PCSK5: variants seen among roughly 807,000 people sequenced by gnomAD.
PCSK5 encodes the protein proprotein convertase subtilisin/kexin type 5, also known as prohormone convertase 5.
A neutral mutation model predicts 233.2 loss-of-function variants in PCSK5; 129 were observed. The ratio of observed to expected loss-of-function variants is 0.55; its 90% CI spans 0.48 to 0.64. PCSK5 has a LOEUF of 0.64. Ranked by LOEUF, PCSK5 falls within the 30% of genes least tolerant of loss-of-function variation. The pLI, the probability that PCSK5 is intolerant of heterozygous loss-of-function variation, is 0.00. For synonymous variants in PCSK5, 825 were observed against 879.2 expected (o/e 0.94, Z 1.09); for missense variants, 2,076 against 2,430.1 (o/e 0.85, Z 3.06).
In PCSK5 at chr9:76,059,563, G is replaced by A. The variant is rs752056043; in HGVS notation, c.633-8392G>A. Among the ~76,000 whole-genome samples the A allele has an allele frequency of 3.3e-5, 5 of 152,218 alleles. No homozygotes were observed. The South Asian group carries it at 1.0e-3, about 32-fold the overall frequency. ...ATGTTAAGGAAGGGATCCAGTTTCA[G>A]CTTTCTACATATGGCTGGCCAGTTT... On this transcript the variant is annotated intron_variant, in intron 5 of 37. Transcript: ENST00000674117.
At chr9:76,142,340 A>G (rs1210247756) in intron 10 of PCSK5, among the ~76,000 whole-genome samples, 1 of 152,050 alleles carries the variant, frequency 6.6e-6, no homozygotes, top group African/African-American at 2.4e-5. Context: ...TGGACAAATT[A>G]TAATTTTAAA....
chr9:76,055,704 C>G (rs1219091699), intron 5 of PCSK5, among the ~76,000 whole-genome samples: 1 of 152,104 alleles, frequency 6.6e-6, no homozygotes, highest in East Asian at 1.9e-4. Flanking sequence ...GGCAATTATT[C>G]AAAGCCTTAA....
intron 18 of PCSK5, 111 bp downstream of exon 18, chr9:76,188,786 A>G: frequency 1.3e-6 from 1 of 770,588 alleles, no homozygotes; most frequent in Admixed American, 2.4e-5. Flanking sequence ...AATGCTGGAA[A>G]AGTTTATTTC....
Position 76,323,391 on chromosome 9 carries a change from GTTT to G in PCSK5, c.4339+106_4339+108del. The G allele has an allele frequency of 1.3e-5, 9 of 712,572 alleles. No individual in the cohort carries two copies. In the South Asian group the frequency reaches 1.7e-4, roughly 14 times the overall value. 44.1% of individuals were successfully genotyped at this position (712,572 alleles called of 1,614,324 possible). ...CTCAATCTTTTTTTTGTTGTGTTTT[GTTT>G]TTGTTTTGGGACAAGGTCTCCCTCT... is the stretch of plus-strand genomic sequence containing the variant. On this transcript the variant is annotated intron_variant, in intron 32 of 37. Coordinates refer to ENST00000674117, the MANE Select transcript of PCSK5 (RefSeq NM_001372043.1).
chr9:75,895,080 C>T (rs1163217160), intron 1 of PCSK5, among the ~76,000 whole-genome samples: 1 of 152,164 alleles, frequency 6.6e-6, no homozygotes, highest in African/African-American at 2.4e-5. Flanking sequence ...CCCCAAACCA[C>T]ATAACAATTT....
intron 7 of PCSK5, among the ~76,000 whole-genome samples, chr9:76,088,534 G>C (rs1287900326): frequency 6.6e-6 from 1 of 152,132 alleles, no homozygotes; most frequent in Non-Finnish European, 1.5e-5. Flanking sequence ...CATTGCATTG[G>C]ACAAAACATC....
chr9:76,227,212 C>A (rs527848464), intron 20 of PCSK5, among the ~76,000 whole-genome samples: 2 of 152,160 alleles, frequency 1.3e-5, no homozygotes, highest in African/African-American at 4.8e-5. Context: ...TGGGAAGCCC[C>A]GCTTGGCCTT....
intron 1 of PCSK5, among the ~76,000 whole-genome samples, chr9:75,893,974 C>A (rs1244093392): frequency 1.3e-5 from 2 of 152,176 alleles, no homozygotes; most frequent in African/African-American, 4.8e-5. Flanking sequence ...TCTTATTCAT[C>A]CTTTACTGCT....
At position 76,321,431 on chromosome 9, in the gene PCSK5, T is replaced by C. The variant is rs377108786; in HGVS notation, c.3894T>C (p.Tyr1298=). Residue 1298 remains tyrosine, a synonymous_variant, in exon 31 of 38, where the codon TAT becomes TAC. Transcript: ENST00000674117. Reference sequence around the variant, plus strand: ...TGTCTTCCTTCCACAGGGGCTCTTATGCAGAAGACGGCATATGTGAACGCT... The same window carrying C: ...TGTCTTCCTTCCACAGGGGCTCTTACGCAGAAGACGGCATATGTGAACGCT... ...RCYSKCPEGS[Y]AEDGICERCS... 5.4e-5 allele frequency: 85 copies of C among 1,572,530 alleles called. 1 individual carries two copies. Among genetic ancestry groups the C allele is most frequent in the South Asian group, 1.9e-4 (17 of 90,274 alleles).
At chr9:75,992,257 GTTTCTCCC>G (rs1826800554) in intron 3 of PCSK5, among the ~76,000 whole-genome samples, 1 of 152,098 alleles carries the variant, frequency 6.6e-6, no homozygotes, top group African/African-American at 2.4e-5. Context: ...ACATTGAGGG[GTTTCTCCC>G]TTGTTGGTGG....
At chr9:76,056,118 A>C (rs529360496) in intron 5 of PCSK5, among the ~76,000 whole-genome samples, 1 of 152,374 alleles carries the variant, frequency 6.6e-6, no homozygotes, top group South Asian at 2.1e-4. Flanking sequence ...GAAAGTAGAC[A>C]GAATCCGTGA....
chr9:76,046,727 A>T (rs1339379015), intron 5 of PCSK5, among the ~76,000 whole-genome samples: 1 of 150,536 alleles, frequency 6.6e-6, no homozygotes, highest in Non-Finnish European at 1.5e-5. Context: ...CTCCCGGCCA[A>T]TTTTTTGTAT....
At chr9:76,195,715 A>G (rs1041340886) in intron 20 of PCSK5, 2 of 152,174 alleles carry the variant, frequency 1.3e-5, no homozygotes, top group African/African-American at 4.8e-5. Flanking sequence ...TTTATTTTCA[A>G]TTAGTGACCC....
intron 2 of PCSK5, among the ~76,000 whole-genome samples, chr9:75,937,591 T>C (rs528554425): frequency 1.4e-4 from 22 of 152,318 alleles, no homozygotes; most frequent in Middle Eastern, 3.4e-3. Context: ...AGGTATCCTA[T>C]CCTTTGAAGC....
At chr9:76,135,587 G>C (rs2131750383) in intron 10 of PCSK5, among the ~76,000 whole-genome samples, 2 of 152,212 alleles carry the variant, frequency 1.3e-5, no homozygotes, top group South Asian at 4.1e-4. Flanking sequence ...AATTGTAATT[G>C]TATGGGAGAC....
In PCSK5 at chr9:76,294,968, CA is replaced by C. The variant is rs200349760; in HGVS notation, c.3186-306del. On this transcript the variant is annotated intron_variant, in intron 25 of 37. Coordinates refer to ENST00000674117, the MANE Select transcript of PCSK5 (RefSeq NM_001372043.1). ...AGGAGTTTGAGACCAGCCTGGGCAA[CA>C]TGGCAAAACCCCCTCTCTGGAAAAA... is the stretch of plus-strand genomic sequence containing the variant. 5.7e-3 allele frequency among the ~76,000 whole-genome samples: 872 copies of C among 152,158 alleles called. 6 individuals are homozygous for C. Among genetic ancestry groups the C allele is most frequent in the African/African-American group, 0.02 (840 of 41,516 alleles).
chr9:76,141,917 G>A (rs541452954), intron 10 of PCSK5, among the ~76,000 whole-genome samples: 13 of 152,070 alleles, frequency 8.5e-5, no homozygotes, highest in Non-Finnish European at 1.5e-4. Flanking sequence ...TTGTAAGTGG[G>A]AGCTAAATGA....
At chr9:76,330,687 C>T (rs931014173) in intron 33 of PCSK5, among the ~76,000 whole-genome samples, 8 of 152,006 alleles carry the variant, frequency 5.3e-5, no homozygotes, top group Non-Finnish European at 7.4e-5. Context: ...TCATATTGAG[C>T]GAGGACACCA....
chr9:76,020,594 C>G (rs1828142054), intron 3 of PCSK5, among the ~76,000 whole-genome samples: 1 of 152,108 alleles, frequency 6.6e-6, no homozygotes, highest in Non-Finnish European at 1.5e-5. Flanking sequence ...TTTTCACCTC[C>G]TACCATAGTG....
Sources: gnomAD v4.1 joint callset for allele counts (sites outside exome capture counted in the v4.1 genomes callset) on GRCh38, gnomAD v4.1.1 for gene constraint, MANE v1.5 for transcripts, NCBI Gene and HGNC (gene_info 2026-07-23, HGNC 2026-07-21) for gene names.